Variants in ARL9 observed in about 807,000 individuals in gnomAD.
ARL9 encodes ADP-ribosylation factor-like protein 9.
In ARL9, 14 loss-of-function variants were observed where a neutral mutation model predicts 27.0. The observed-to-expected ratio is 0.52, with a 90% confidence interval of 0.34 to 0.81. ARL9 has a LOEUF of 0.81. ARL9 is among the 30% of genes least tolerant of loss of function. ARL9 has a pLI of 0.01. For missense variants in ARL9, 294 were observed against 290.0 expected (o/e 1.01, Z -0.10); for synonymous variants, 106 against 108.7 (o/e 0.98, Z 0.15).
At position 56,510,774 on chromosome 4, in the gene ARL9, C is replaced by CT. The variant is rs11320889; in HGVS notation, c.280-396dup. Among the ~76,000 whole-genome samples the CT allele has an allele frequency of 2.9e-3, 406 of 140,336 alleles. 5 individuals carry two copies. The East Asian group carries it at 0.036, about 12-fold the overall frequency. 92.1% of individuals were successfully genotyped at this position (140,336 alleles called of 152,430 possible). On this transcript the variant is annotated intron_variant, in intron 1 of 3. Coordinates refer to ENST00000640821, the MANE Select transcript of ARL9 (RefSeq NM_001363794.2). ...ATAAAATATTCGTGAAGTTTTATCC[C>CT]TTTTTTTTTTTTTTTGGAGACAGGG...
At chr4:56,519,591 C>T (rs1025589222) in intron 3 of ARL9, among the ~76,000 whole-genome samples, 21 of 151,494 alleles carry the variant, frequency 1.4e-4, no homozygotes, top group South Asian at 4.2e-4. Context: ...GCCTGGGCGA[C>T]AGGCTCAAAA....
At chr4:56,512,836 C>G (rs1320345147) in intron 2 of ARL9, among the ~76,000 whole-genome samples, 1 of 152,044 alleles carries the variant, frequency 6.6e-6, no homozygotes, top group Non-Finnish European at 1.5e-5. Flanking sequence ...CCACTGCGCC[C>G]AGCCCGTAAA....
At chr4:56,521,217 C>CAAAAAAAAAAAAA (rs57537197) in intron 3 of ARL9, among the ~76,000 whole-genome samples, 1 of 94,876 alleles carries the variant, frequency 1.1e-5, no homozygotes. Flanking sequence ...CCCCAAAAAA[C>CAAAAAAAAAAAAA]AAAAAAAAAA....
intron 2 of ARL9, among the ~76,000 whole-genome samples, chr4:56,517,419 GC>G: frequency 6.6e-6 from 1 of 152,254 alleles, no homozygotes; most frequent in South Asian, 2.1e-4. Context: ...CAGGCCACAT[GC>G]TCTCTGTTGC....
At chr4:56,520,522 A>C (rs1385937764) in intron 3 of ARL9, among the ~76,000 whole-genome samples, 1 of 151,390 alleles carries the variant, frequency 6.6e-6, no homozygotes, top group Non-Finnish European at 1.5e-5. Flanking sequence ...ATGTGTAGTT[A>C]TCGTTTAATG....
At chr4:56,515,206 A>G (rs931292029) in intron 2 of ARL9, among the ~76,000 whole-genome samples, 1 of 151,258 alleles carries the variant, frequency 6.6e-6, no homozygotes, top group Admixed American at 6.6e-5. Context: ...GTGGGCTGAG[A>G]TTGTGCCACT....
At chr4:56,520,348 C>T (rs919784537) in intron 3 of ARL9, among the ~76,000 whole-genome samples, 3 of 152,178 alleles carry the variant, frequency 2.0e-5, no homozygotes, top group African/African-American at 7.2e-5. Context: ...AATTCAGACA[C>T]ATGTTCTGAC....
chr4:56,514,371 G>A (rs1271138720), intron 2 of ARL9, among the ~76,000 whole-genome samples: 3 of 152,136 alleles, frequency 2.0e-5, no homozygotes, highest in African/African-American at 7.2e-5. Context: ...AATTGATGAA[G>A]ACACAGTAGC....
intron 2 of ARL9, among the ~76,000 whole-genome samples, chr4:56,515,975 G>A (rs570371337): frequency 3.7e-4 from 57 of 152,236 alleles, no homozygotes; most frequent in Middle Eastern, 6.8e-3. Flanking sequence ...TGAGCAAAGG[G>A]GTAAAGAAAG....
rs146018679 is a variant in ARL9 at position 56,511,410 on chromosome 4, A to G, written c.442+63A>G. On this transcript the variant is annotated intron_variant, in intron 2 of 3. Coordinates refer to ENST00000640821, the MANE Select transcript of ARL9 (RefSeq NM_001363794.2). ...TTTATTGTCTCTTAAGCCAGATATG[A>G]TGTTAGCAACATTGAGTCCTTGTGA... 1.7e-4 allele frequency: 256 copies of G among 1,490,096 alleles called. No individual in the cohort carries two copies. The African/African-American group carries it at 3.3e-3, about 19-fold the overall frequency. The allele number at this position is 1,490,096 out of a possible 1,614,324, so 92.3% of individuals were successfully genotyped here. A position where few individuals can be genotyped will look rare whatever the true frequency, so the allele number is the denominator to read the frequency against.
Position 56,523,874 on chromosome 4 carries a change from T to C in ARL9, c.796T>C (p.Ter266ArgextTer17), listed in dbSNP as rs1722003938. 1 of 1,612,796 alleles carries C rather than the reference T, an allele frequency of 6.2e-7. No individual in the cohort carries two copies. The highest frequency in any genetic ancestry group is 1.3e-5 in the African/African-American group (1 of 74,926). Residue 266 changes from the stop codon to arginine, a stop_lost, in exon 4 of 4, where the codon TGA becomes CGA. Transcript: ENST00000640821. The stretch of plus-strand genomic sequence containing the variant: ...TGCACAGCTGGCTGCAGATGTGCAG[T>C]GACCAGGACTCAGCCCACTGTGCGG... ...LIAQLAADVQ* is the reference protein window; with the variant it reads ...LIAQLAADVQR
intron 1 of ARL9, among the ~76,000 whole-genome samples, chr4:56,510,639 T>C (rs1040972151): frequency 7.9e-5 from 12 of 152,206 alleles, no homozygotes; most frequent in African/African-American, 2.2e-4. Flanking sequence ...AGTATTTATT[T>C]GATAGACTGA....
chr4:56,511,505 T>TG (rs1167048219), intron 2 of ARL9, among the ~76,000 whole-genome samples, 158 bp downstream of exon 2: 2 of 152,178 alleles, frequency 1.3e-5, no homozygotes, highest in African/African-American at 4.8e-5. Context: ...AGGTACACTG[T>TG]GGGGGGAATC....
At chr4:56,515,540 A>T (rs1305801261) in intron 2 of ARL9, among the ~76,000 whole-genome samples, 1 of 152,210 alleles carries the variant, frequency 6.6e-6, no homozygotes, top group East Asian at 1.9e-4. Context: ...TAAAAGGCGT[A>T]AGAATTAGAG....
chr4:56,505,235 ATAGTCAACTAATAATCCTGGGTAG>A (rs1282022920), upstream of ARL9: 43 of 342,024 alleles, frequency 1.3e-4, no homozygotes, highest in Non-Finnish European at 2.3e-4. Flanking sequence ...ATCCTGGGTA[ATAGTCAACTAATAATCCTGGGTAG>A]TAGTCTGGAG....
Position 56,523,860 on chromosome 4 carries a change from C to T in ARL9, c.782C>T (p.Ala261Val). 1.9e-6 allele frequency: 3 copies of T among 1,613,626 alleles called. No individual in the cohort carries two copies. Among genetic ancestry groups the T allele is most frequent in the Non-Finnish European group, 2.5e-6 (3 of 1,179,638 alleles). ...GCCAAAGACTTGATTGCACAGCTGG[C>T]TGCAGATGTGCAGTGACCAGGACTC... The part of the protein sequence containing the change: ...QDAKDLIAQL[A>V]ADVQ The change falls in exon 4 of 4, where the codon GCT becomes GTT. Residue 261 changes from alanine (A) to valine (V), a missense_variant. Ala to Val is a moderately conservative substitution (Grantham distance 64, BLOSUM62 0). Transcript: ENST00000640821.
intron 2 of ARL9, among the ~76,000 whole-genome samples, chr4:56,517,834 A>T (rs1422505828): frequency 6.6e-6 from 1 of 152,196 alleles, no homozygotes; most frequent in African/African-American, 2.4e-5. Flanking sequence ...TATTAACTCA[A>T]TGCAATATTA....
chr4:56,510,663 G>A (rs1345883517), intron 1 of ARL9, among the ~76,000 whole-genome samples: 1 of 152,180 alleles, frequency 6.6e-6, no homozygotes, highest in East Asian at 1.9e-4. Context: ...GGAGGTGGGG[G>A]ATAGAGGACG....
At chr4:56,511,054 T>G in intron 1 of ARL9, 131 bp from the exon 2 acceptor site, 14 of 881,724 alleles carry the variant, frequency 1.6e-5, no homozygotes, top group Non-Finnish European at 2.1e-5. Context: ...ATTACAGGCG[T>G]GAGCCACCGC....
Sources: allele counts gnomAD v4.1 joint callset (sites outside exome capture counted in the v4.1 genomes callset), GRCh38; gene constraint gnomAD v4.1.1; transcripts MANE v1.5; gene names NCBI Gene and HGNC (gene_info 2026-07-23, HGNC 2026-07-21).